DEPTOR: variants seen among roughly 807,000 people sequenced by gnomAD.
DEPTOR encodes DEP domain containing MTOR interacting protein.
In DEPTOR, 41 loss-of-function variants were observed where a neutral mutation model predicts 41.6. The observed-to-expected ratio is 0.98, with a 90% CI of 0.77 to 1.28. DEPTOR has a LOEUF of 1.28. DEPTOR is among the 50% of genes most tolerant of loss of function. DEPTOR has a pLI of 0.00. For missense variants in DEPTOR, 514 were observed against 527.9 expected (o/e 0.97, Z 0.26); for synonymous variants, 195 against 192.3 (o/e 1.01, Z -0.12).
chr8:119,991,072 TTCTTTCTTTCTTTCTTTTTCTTTC>T (rs1411241781), intron 4 of DEPTOR, among the ~76,000 whole-genome samples: 6 of 73,894 alleles, frequency 8.1e-5, no homozygotes, highest in African/African-American at 3.0e-4. Context: ...CTTTCTTTCT[TTCTTTCTTTCTTTCTTTTTCTTTC>T]TTTCTTTCTT....
At chr8:120,012,040 A>G (rs1467854338) in intron 8 of DEPTOR, among the ~76,000 whole-genome samples, 2 of 152,180 alleles carry the variant, frequency 1.3e-5, no homozygotes, top group South Asian at 2.1e-4. Context: ...GCACATTAGC[A>G]TATTGAAAAC....
chr8:120,021,945 C>T (rs960241399), intron 8 of DEPTOR, among the ~76,000 whole-genome samples: 21 of 151,908 alleles, frequency 1.4e-4, no homozygotes, highest in African/African-American at 3.4e-4. Context: ...AGGAGTCTGA[C>T]GACCAACCTA....
chr8:120,010,786 T>C (rs1427845087), intron 8 of DEPTOR, among the ~76,000 whole-genome samples: 2 of 152,226 alleles, frequency 1.3e-5, no homozygotes, highest in Non-Finnish European at 1.5e-5. Context: ...TGGCATCCTA[T>C]AAAACCTAGC....
chr8:119,897,796 T>G (rs6469862), intron 1 of DEPTOR, among the ~76,000 whole-genome samples: 75,654 of 151,942 alleles, frequency 0.5, 20,548 homozygotes, highest in East Asian at 0.92. Context: ...CGCCTGGCCC[T>G]TTTACTGTTC....
chr8:120,007,909 T>C (rs1386406672), intron 7 of DEPTOR, among the ~76,000 whole-genome samples: 1 of 152,216 alleles, frequency 6.6e-6, no homozygotes, highest in Non-Finnish European at 1.5e-5. Flanking sequence ...CTGTTTTTCC[T>C]CAGTCTCCAG....
At chr8:120,025,659 G>A (rs767668187) in intron 8 of DEPTOR, among the ~76,000 whole-genome samples, 8 of 152,002 alleles carry the variant, frequency 5.3e-5, no homozygotes, top group Non-Finnish European at 1.0e-4. Flanking sequence ...TTTGCCCTCC[G>A]ATTATAGATA....
chr8:119,954,033 T>C (rs894882439), intron 3 of DEPTOR, among the ~76,000 whole-genome samples: 2 of 107,256 alleles, frequency 1.9e-5, no homozygotes, highest in Admixed American at 2.3e-4. Flanking sequence ...CTCAAGATCC[T>C]GACCTCAGGT....
At chr8:119,935,501 C>A (rs112693891) in intron 3 of DEPTOR, among the ~76,000 whole-genome samples, 2,387 of 151,970 alleles carry the variant, frequency 0.016, 65 homozygotes, top group African/African-American at 0.055. Flanking sequence ...CGGGCAGATC[C>A]CTTCAGGTCA....
chr8:119,957,571 AT>A (rs33977088), intron 3 of DEPTOR, among the ~76,000 whole-genome samples: 2 of 147,204 alleles, frequency 1.4e-5, no homozygotes, highest in East Asian at 2.0e-4. Context: ...GGGTCCTTCT[AT>A]TTTTTTTTTC....
At chr8:119,998,246 T>C (rs1270054262) in intron 4 of DEPTOR, among the ~76,000 whole-genome samples, 1 of 152,152 alleles carries the variant, frequency 6.6e-6, no homozygotes, top group Non-Finnish European at 1.5e-5. Context: ...GCACCATGCC[T>C]GGCTAATTTT....
chr8:120,048,573 T>G (rs1010114892), intron 8 of DEPTOR, among the ~76,000 whole-genome samples: 1 of 152,146 alleles, frequency 6.6e-6, no homozygotes, highest in South Asian at 2.1e-4. Flanking sequence ...CCTAGTAGGT[T>G]GGGGAGTGCA....
intron 4 of DEPTOR, among the ~76,000 whole-genome samples, chr8:119,999,502 C>T (rs6469885): frequency 0.15 from 23,085 of 151,814 alleles, 2,845 homozygotes; most frequent in African/African-American, 0.34. Flanking sequence ...TGTGTGCCTG[C>T]AGTCCTAGCT....
chr8:119,947,912 C>G (rs550479118), intron 3 of DEPTOR, among the ~76,000 whole-genome samples: 17 of 152,216 alleles, frequency 1.1e-4, no homozygotes, highest in Admixed American at 6.5e-4. Flanking sequence ...CTCTCCTGCC[C>G]TCCCCCATCC....
At chr8:119,988,646 C>T (rs1376702364) in intron 4 of DEPTOR, among the ~76,000 whole-genome samples, 1 of 152,060 alleles carries the variant, frequency 6.6e-6, no homozygotes, top group Non-Finnish European at 1.5e-5. Flanking sequence ...CCATGCCTGG[C>T]TAATTTTTGT....
chr8:119,885,440 C>T (rs1024012129), intron 1 of DEPTOR, among the ~76,000 whole-genome samples: 3 of 152,174 alleles, frequency 2.0e-5, no homozygotes, highest in Non-Finnish European at 4.4e-5. Flanking sequence ...ATGTATGACT[C>T]TGATTCATTT....
rs942089213 is a variant in DEPTOR, at chr8:119,973,962, A to G, written c.604+8552A>G. ...GAAGAGAGAATTTGGGATCTGCAGCAAAGGAAGCTAGAGGCCACATCCAGA... is the reference window on the plus strand; with the variant it reads ...GAAGAGAGAATTTGGGATCTGCAGCGAAGGAAGCTAGAGGCCACATCCAGA... On this transcript the variant is annotated intron_variant, in intron 4 of 8. Coordinates refer to ENST00000286234, the MANE Select transcript of DEPTOR (RefSeq NM_022783.4). Among the ~76,000 whole-genome samples the G allele has an allele frequency of 3.9e-5, 6 of 152,158 alleles. 1 individual carries two copies. Among genetic ancestry groups the G allele is most frequent in the Non-Finnish European group, 8.8e-5 (6 of 68,028 alleles).
At chr8:119,937,756 T>C (rs2129881563) in intron 3 of DEPTOR, among the ~76,000 whole-genome samples, 1 of 151,856 alleles carries the variant, frequency 6.6e-6, no homozygotes, top group South Asian at 2.1e-4. Context: ...ACAGCCAGAG[T>C]ATCATCAATT....
intron 1 of DEPTOR, among the ~76,000 whole-genome samples, chr8:119,875,238 C>T (rs1044752932): frequency 2.0e-5 from 3 of 152,120 alleles, no homozygotes; most frequent in African/African-American, 4.8e-5. Flanking sequence ...AGCAATAAAG[C>T]TTTTTAATCA....
At chr8:119,981,513 C>A (rs1828766487) in intron 4 of DEPTOR, among the ~76,000 whole-genome samples, 1 of 151,820 alleles carries the variant, frequency 6.6e-6, no homozygotes, top group Non-Finnish European at 1.5e-5. Flanking sequence ...AATAATTAGC[C>A]AGGTGTGGTG....
Sources: gnomAD v4.1 joint callset for allele counts (sites outside exome capture counted in the v4.1 genomes callset) on GRCh38, gnomAD v4.1.1 for gene constraint, MANE v1.5 for transcripts, NCBI Gene and HGNC (gene_info 2026-07-23, HGNC 2026-07-21) for gene names.